Variants in LRIF1 observed in about 807,000 individuals in gnomAD.
The protein encoded by LRIF1 is ligand-dependent nuclear receptor-interacting factor 1.
LRIF1 carries 32 observed loss-of-function variants against 52.7 expected under a neutral mutation model. The ratio of observed to expected loss-of-function variants is 0.61; its 90% CI spans 0.46 to 0.82. The LOEUF is 0.82. Among genes scored for constraint, LRIF1 ranks in the 40% least tolerant of loss-of-function variants. The pLI is 0.00. For missense variants in LRIF1, 887 were observed against 892.0 expected (o/e 0.99, Z 0.07); for synonymous variants, 323 against 317.4 (o/e 1.02, Z -0.19).
At chr1:110,922,644 A>T in the LRIF1 span, among the ~76,000 whole-genome samples, 2 of 152,362 alleles carry the variant, frequency 1.3e-5, no homozygotes, top group East Asian at 1.9e-4. Flanking sequence ...AATTGTTTTC[A>T]AATAAACACA....
At chr1:110,933,021 A>T in the LRIF1 span, among the ~76,000 whole-genome samples, 1 of 152,144 alleles carries the variant, frequency 6.6e-6, no homozygotes, top group Non-Finnish European at 1.5e-5. Context: ...TTTATTCTAG[A>T]GGTCAAATAC....
the LRIF1 span, chr1:110,891,476 G>A: frequency 1.2e-6 from 2 of 1,610,842 alleles, no homozygotes; most frequent in Non-Finnish European, 1.7e-6. Flanking sequence ...TTTTGGGTAA[G>A]TGTATCTCTT....
At chr1:110,939,617 C>T in the LRIF1 span, 1 of 152,114 alleles carries the variant, frequency 6.6e-6, no homozygotes, top group Non-Finnish European at 1.5e-5. Context: ...ACCAAAACAG[C>T]ATGGCATTGG....
chr1:110,935,666 G>A, the LRIF1 span, among the ~76,000 whole-genome samples: 1 of 151,776 alleles, frequency 6.6e-6, no homozygotes, highest in Non-Finnish European at 1.5e-5. Flanking sequence ...AGATAAAAAA[G>A]AATAAAAAAC....
chr1:110,912,726 A>G, the LRIF1 span, among the ~76,000 whole-genome samples: 5 of 152,240 alleles, frequency 3.3e-5, no homozygotes, highest in Non-Finnish European at 7.3e-5. Context: ...AGATAGGAAC[A>G]ATCAATATTG....
the LRIF1 span, among the ~76,000 whole-genome samples, chr1:110,926,588 TTA>T: frequency 6.6e-6 from 1 of 152,008 alleles, no homozygotes; most frequent in African/African-American, 2.4e-5. Flanking sequence ...AAAGAAAATA[TTA>T]GAGTTTAAAG....
chr1:110,962,905 T>C (rs994243747), intron 1 of LRIF1, among the ~76,000 whole-genome samples: 2 of 151,896 alleles, frequency 1.3e-5, no homozygotes, highest in East Asian at 3.9e-4. Context: ...CATTTCCTTG[T>C]AATACAATTT....
the LRIF1 span, chr1:110,892,442 A>G: frequency 6.2e-7 from 1 of 1,613,944 alleles, no homozygotes; most frequent in Non-Finnish European, 8.5e-7. Flanking sequence ...ACGCTGGGCA[A>G]TGTGTTTGTC....
At chr1:110,954,980 T>C (rs1379612290) in intron 1 of LRIF1, among the ~76,000 whole-genome samples, 1 of 152,234 alleles carries the variant, frequency 6.6e-6, no homozygotes, top group Admixed American at 6.5e-5. Context: ...ATAACTTCAA[T>C]TAAATTATCA....
the LRIF1 span, chr1:110,899,631 G>C: frequency 1.2e-5 from 2 of 168,246 alleles, no homozygotes; most frequent in African/African-American, 4.8e-5. Flanking sequence ...AGGCTCACTG[G>C]ACCATTGTCA....
At chr1:110,880,277 A>G in the LRIF1 span, 1 of 152,316 alleles carries the variant, frequency 6.6e-6, no homozygotes, top group Non-Finnish European at 1.5e-5. Flanking sequence ...GAAACGGAGC[A>G]GCATTCTCTC....
At chr1:110,956,451 G>A (rs1658704358) in intron 1 of LRIF1, among the ~76,000 whole-genome samples, 1 of 152,124 alleles carries the variant, frequency 6.6e-6, no homozygotes, top group Admixed American at 6.5e-5. Context: ...GAAAATGAGA[G>A]AATAAAAGGC....
chr1:110,933,375 A>C, the LRIF1 span, among the ~76,000 whole-genome samples: 2 of 152,168 alleles, frequency 1.3e-5, no homozygotes, highest in East Asian at 3.9e-4. Flanking sequence ...AAGAACCAAA[A>C]ATCAGGTGAG....
At chr1:110,931,140 C>A in the LRIF1 span, among the ~76,000 whole-genome samples, 2 of 152,156 alleles carry the variant, frequency 1.3e-5, no homozygotes, top group Non-Finnish European at 2.9e-5. Flanking sequence ...CCCCAGCCCC[C>A]CAACCCCTGA....
the LRIF1 span, among the ~76,000 whole-genome samples, chr1:110,881,054 A>G: frequency 6.6e-6 from 1 of 152,216 alleles, no homozygotes; most frequent in Non-Finnish European, 1.5e-5. Context: ...TAAATTTTAA[A>G]GTATAATACA....
chr1:110,941,810 G>C, the LRIF1 span: 1 of 152,088 alleles, frequency 6.6e-6, no homozygotes, highest in Non-Finnish European at 1.5e-5. Context: ...TCAAAGAAAT[G>C]TTACTGTACT....
the LRIF1 span, among the ~76,000 whole-genome samples, chr1:110,879,392 G>C: frequency 2.6e-5 from 4 of 152,206 alleles, no homozygotes; most frequent in African/African-American, 9.6e-5. Context: ...AACTAGACCT[G>C]TCTGATTCCA....
At chr1:110,889,946 A>AAAAGAGCAC in the LRIF1 span, among the ~76,000 whole-genome samples, 1 of 152,186 alleles carries the variant, frequency 6.6e-6, no homozygotes, top group African/African-American at 2.4e-5. Context: ...AAAAGAGGGG[A>AAAAGAGCAC]AAAGAGCACA....
Position 110,951,432 on chromosome 1 carries a change from T to C in LRIF1, c.1452A>G (p.Thr484=). 1 of 1,614,176 alleles carries C rather than the reference T, an allele frequency of 6.2e-7. No homozygotes were observed. The highest frequency in any genetic ancestry group is 8.5e-7 in the Non-Finnish European group (1 of 1,180,016). Residue 484 remains threonine (T), a synonymous_variant, in exon 2 of 4, where the codon ACA becomes ACG. Transcript: ENST00000369763. ...TNPIFPVGFS[T]GHNAPRKVTA... is the part of the protein sequence containing the mutation. ...TTACTTTTCTGGGGGCATTGTGTCCTGTACTAAATCCAACTGGAAAGATTG... is the reference window on the plus strand; with the variant it reads ...TTACTTTTCTGGGGGCATTGTGTCCCGTACTAAATCCAACTGGAAAGATTG...
Sources: allele counts gnomAD v4.1 joint callset (sites outside exome capture counted in the v4.1 genomes callset), GRCh38; gene constraint gnomAD v4.1.1; transcripts MANE v1.5; gene names NCBI Gene and HGNC (gene_info 2026-07-23, HGNC 2026-07-21).